The following MDGA2 variants were observed in gnomAD, a reference collection of about 807,000 sequenced individuals.
The protein encoded by MDGA2 is MAM domain containing glycosylphosphatidylinositol anchor 2, also known as MAM domain-containing glycosylphosphatidylinositol anchor protein 2.
MDGA2 carries 40 observed loss-of-function variants against 117.8 expected under a neutral mutation model. The ratio of observed to expected loss-of-function variants is 0.34; its 90% CI spans 0.26 to 0.44. MDGA2 has a LOEUF of 0.44. MDGA2 is among the 20% of genes least tolerant of loss of function. MDGA2 has a pLI of 1.00. For missense variants in MDGA2, 1,123 were observed against 1,250.6 expected (o/e 0.90, Z 1.54); for synonymous variants, 452 against 439.0 (o/e 1.03, Z -0.37).
intron 5 of MDGA2, among the ~76,000 whole-genome samples, chr14:47,119,177 C>A (rs1313155587): frequency 2.2e-5 from 1 of 44,954 alleles, no homozygotes; most frequent in African/African-American, 5.4e-5. Context: ...CAGCCCCGCC[C>A]CCCCCCCCCC....
At chr14:47,537,273 A>G (rs1895233067) in intron 1 of MDGA2, among the ~76,000 whole-genome samples, 1 of 133,246 alleles carries the variant, frequency 7.5e-6, no homozygotes, top group Non-Finnish European at 1.5e-5. Context: ...ACATGGACAC[A>G]GGAAGAGGAA....
intron 16 of MDGA2, among the ~76,000 whole-genome samples, chr14:46,842,546 CTTTAT>C (rs1247451501): frequency 1.7e-4 from 26 of 152,058 alleles, no homozygotes; most frequent in East Asian, 3.9e-4. Flanking sequence ...ATAATTTTCT[CTTTAT>C]TTTAACTTTT....
chr14:47,114,591 G>A (rs1311060559), intron 5 of MDGA2, among the ~76,000 whole-genome samples: 7 of 152,076 alleles, frequency 4.6e-5, no homozygotes, highest in Non-Finnish European at 1.0e-4. Context: ...CAATGGAACA[G>A]AATAGAGATC....
chr14:47,646,265 A>C (rs1897532721), intron 1 of MDGA2, among the ~76,000 whole-genome samples: 1 of 152,064 alleles, frequency 6.6e-6, no homozygotes, highest in Non-Finnish European at 1.5e-5. Flanking sequence ...TTCTTAAAGC[A>C]TACTTCAAGA....
At chr14:46,949,579 G>T (rs1178978206) in intron 9 of MDGA2, among the ~76,000 whole-genome samples, 2 of 151,486 alleles carry the variant, frequency 1.3e-5, no homozygotes, top group Non-Finnish European at 2.9e-5. Flanking sequence ...CCATTGTTTA[G>T]GTCCCATTTA....
chr14:47,081,039 T>C (rs1179097578), intron 6 of MDGA2, among the ~76,000 whole-genome samples: 3 of 152,188 alleles, frequency 2.0e-5, no homozygotes, highest in Non-Finnish European at 4.4e-5. Context: ...GTCTCTATGT[T>C]ACAGTATACC....
In MDGA2 at chr14:47,127,472, G is replaced by C. The variant is rs143599419; in HGVS notation, c.925+4242C>G. Among the ~76,000 whole-genome samples the C allele has an allele frequency of 3.2e-3, 494 of 152,188 alleles. 3 individuals carry two copies. Among genetic ancestry groups the C allele is most frequent in the Middle Eastern group, 0.017 (5 of 294 alleles). ...ACCACCAGATGGAAAAATTTCTGAA[G>C]TGAACCCAGTTTGAATGTGTAAAGT... On this transcript the variant is annotated intron_variant, in intron 5 of 16. Transcript: ENST00000399232.
At chr14:47,294,521 C>T (rs1322084384) in intron 2 of MDGA2, among the ~76,000 whole-genome samples, 1 of 151,916 alleles carries the variant, frequency 6.6e-6, no homozygotes, top group Non-Finnish European at 1.5e-5. Context: ...CATGATATAG[C>T]AGACAGATTC....
At chr14:46,900,408 G>T (rs1026504096) in intron 10 of MDGA2, among the ~76,000 whole-genome samples, 2 of 152,108 alleles carry the variant, frequency 1.3e-5, no homozygotes, top group African/African-American at 2.4e-5. Flanking sequence ...ACTTGTACAT[G>T]AATGCTTATA....
At chr14:46,870,968 C>A (rs1430697936) in intron 14 of MDGA2, 1 of 151,610 alleles carries the variant, frequency 6.6e-6, no homozygotes, top group Non-Finnish European at 1.5e-5. Flanking sequence ...ATTTAAAAAT[C>A]AATTAAAATA....
chr14:46,873,726 CTA>C lies in MDGA2; in HGVS notation c.2594-137_2594-136del, dbSNP rs576098856. The C allele has an allele frequency of 1.0e-4, 81 of 782,980 alleles. No homozygotes were observed. In the African/African-American group the frequency reaches 1.2e-3, roughly 11 times the overall value. 48.5% of individuals were successfully genotyped at this position (782,980 alleles called of 1,614,324 possible). ...GATTTGCATCTCATTTATAAAATCT[CTA>C]TGTGTATATGTAACTAATAGTGGCT... On this transcript the variant is annotated intron_variant, in intron 13 of 16. Coordinates refer to ENST00000399232, the MANE Select transcript of MDGA2 (RefSeq NM_001113498.3).
chr14:47,478,085 T>TTCTA (rs1425736365), intron 1 of MDGA2, among the ~76,000 whole-genome samples: 1 of 152,248 alleles, frequency 6.6e-6, no homozygotes, highest in East Asian at 1.9e-4. Flanking sequence ...ACTTCTTGTA[T>TTCTA]TCTAGTTCAC....
At chr14:47,673,802 C>G (rs1898120603) in intron 1 of MDGA2, among the ~76,000 whole-genome samples, 1 of 151,962 alleles carries the variant, frequency 6.6e-6, no homozygotes, top group Non-Finnish European at 1.5e-5. Flanking sequence ...CTGGGTTTTC[C>G]AGAGGGGAGA....
intron 1 of MDGA2, among the ~76,000 whole-genome samples, chr14:47,639,624 T>C (rs906338695): frequency 1.3e-5 from 2 of 152,172 alleles, no homozygotes; most frequent in African/African-American, 4.8e-5. Flanking sequence ...TAAAAAATGC[T>C]ATTTTTATTC....
intron 1 of MDGA2, among the ~76,000 whole-genome samples, chr14:47,423,415 C>T (rs758992541): frequency 7.9e-5 from 12 of 152,072 alleles, no homozygotes; most frequent in Admixed American, 3.9e-4. Context: ...GTGCTTTACG[C>T]GCACTGTTCA....
chr14:47,144,815 A>ATTTTTTTTTTT (rs60842690), intron 3 of MDGA2, among the ~76,000 whole-genome samples: 28,728 of 127,974 alleles, frequency 0.22, 3,840 homozygotes, highest in East Asian at 0.3. Flanking sequence ...TGCCCGGCTA[A>ATTTTTTTTTTT]TTTTTTTTTT....
intron 1 of MDGA2, among the ~76,000 whole-genome samples, chr14:47,584,595 G>C (rs1446613660): frequency 2.0e-5 from 3 of 151,648 alleles, no homozygotes; most frequent in African/African-American, 7.3e-5. Flanking sequence ...CAGAAATTTA[G>C]AGCCTCCTGC....
chr14:46,916,117 C>G (rs1422345141), intron 10 of MDGA2, among the ~76,000 whole-genome samples: 1 of 152,118 alleles, frequency 6.6e-6, no homozygotes, highest in Non-Finnish European at 1.5e-5. Flanking sequence ...TGTAACACTC[C>G]CCAGGTGATT....
chr14:46,840,847 C>T lies in MDGA2; in HGVS notation c.*1084G>A, dbSNP rs1229545076. ...ACCTGGAAGAAAAAAAGTGTTGCTC[C>T]ATGTCTGGTCTCAATGGAAGTGATT... On this transcript the variant is annotated 3_prime_UTR_variant, in exon 17 of 17. Transcript: ENST00000399232. 6.6e-6 allele frequency: 1 copy of T among 152,544 alleles called. No homozygotes were observed. 9.4% of individuals were successfully genotyped at this position (152,544 alleles called of 1,614,324 possible). A position where few individuals can be genotyped will look rare whatever the true frequency, so the allele number is the denominator to read the frequency against.
Sources: gnomAD v4.1 joint callset for allele counts (sites outside exome capture counted in the v4.1 genomes callset) on GRCh38, gnomAD v4.1.1 for gene constraint, MANE v1.5 for transcripts, NCBI Gene and HGNC (gene_info 2026-07-23, HGNC 2026-07-21) for gene names.